The following ZFHX3 variants were observed in gnomAD, a reference collection of about 807,000 sequenced individuals.
ZFHX3 encodes zinc finger homeobox 3.
ZFHX3 carries 42 observed loss-of-function variants against 279.1 expected under a neutral mutation model. That is an observed-to-expected ratio of 0.15 (90% CI 0.12 to 0.19). The LOEUF is 0.19. Ranked by LOEUF, ZFHX3 falls within the 10% of genes least tolerant of loss-of-function variation. The pLI is 1.00. For synonymous variants in ZFHX3, 2,293 were observed against 1,957.8 expected, an observed-to-expected ratio of 1.17 and a Z score of -4.52; for missense variants, 4,981 against 4,754.0, an observed-to-expected ratio of 1.05 and a Z score of -1.40.
At chr16:73,464,778 C>G (rs2018535549) in intron 2 of ZFHX3, among the ~76,000 whole-genome samples, 1 of 152,226 alleles carries the variant, frequency 6.6e-6, no homozygotes, top group Admixed American at 6.5e-5. Context: ...GGCTTGGGGT[C>G]CAACTTAGTC....
intron 1 of ZFHX3, among the ~76,000 whole-genome samples, chr16:72,983,153 C>A (rs1261711482): frequency 6.6e-6 from 1 of 152,178 alleles, no homozygotes; most frequent in Non-Finnish European, 1.5e-5. Context: ...TTGGAAGCCC[C>A]TGTTCCTACC....
intron 2 of ZFHX3, among the ~76,000 whole-genome samples, chr16:73,612,636 G>A (rs1276538418): frequency 2.0e-5 from 3 of 152,138 alleles, no homozygotes; most frequent in East Asian, 1.9e-4. Context: ...AAAACAAAAC[G>A]AGGTGTATTT....
intron 1 of ZFHX3, among the ~76,000 whole-genome samples, chr16:73,017,069 A>T (rs1964126059): frequency 6.6e-6 from 1 of 152,028 alleles, no homozygotes; most frequent in Non-Finnish European, 1.5e-5. Flanking sequence ...CTACAAAAAT[A>T]AAAATAAATC....
At chr16:73,337,890 G>GGT (rs1555510879) in intron 3 of ZFHX3, among the ~76,000 whole-genome samples, 6 of 92,006 alleles carry the variant, frequency 6.5e-5, no homozygotes, top group South Asian at 7.5e-4. Flanking sequence ...ATCTTCCCTT[G>GGT]GCGGGGGGGG....
intron 2 of ZFHX3, among the ~76,000 whole-genome samples, chr16:73,630,495 C>T (rs933205303): frequency 4.6e-5 from 7 of 152,184 alleles, no homozygotes; most frequent in Non-Finnish European, 8.8e-5. Context: ...TGCTCAGTAC[C>T]TTTCAGGGAA....
chr16:73,586,241 C>A (rs1051938413), intron 2 of ZFHX3, among the ~76,000 whole-genome samples: 1 of 150,726 alleles, frequency 6.6e-6, no homozygotes, highest in Admixed American at 6.6e-5. Context: ...ATAAAAAAAT[C>A]AGCTGGGTGT....
At chr16:73,784,806 T>A (rs1269770201) in intron 1 of ZFHX3, among the ~76,000 whole-genome samples, 12 of 121,734 alleles carry the variant, frequency 9.9e-5, no homozygotes, top group African/African-American at 5.0e-4. Flanking sequence ...AATATATATA[T>A]ATATATATAT....
chr16:73,334,092 G>A (rs761530897), intron 3 of ZFHX3, among the ~76,000 whole-genome samples: 2 of 152,206 alleles, frequency 1.3e-5, no homozygotes, highest in African/African-American at 4.8e-5. Context: ...TGTGCTGAAA[G>A]AGGAAGGAGA....
intron 8 of ZFHX3, among the ~76,000 whole-genome samples, chr16:73,091,986 A>G (rs1966089370): frequency 6.6e-6 from 1 of 152,240 alleles, no homozygotes; most frequent in African/African-American, 2.4e-5. Context: ...CTATTCAGAG[A>G]AAGTGCTTTT....
chr16:73,798,668 T>G (rs1352929881), intron 1 of ZFHX3, among the ~76,000 whole-genome samples: 1 of 152,192 alleles, frequency 6.6e-6, no homozygotes. Flanking sequence ...TCCTCAGCTC[T>G]GTTGTACATC....
At chr16:73,158,043 C>T (rs529518334) in intron 5 of ZFHX3, among the ~76,000 whole-genome samples, 2 of 152,226 alleles carry the variant, frequency 1.3e-5, no homozygotes, top group African/African-American at 2.4e-5. Context: ...GGGAGGGTCA[C>T]ATTTTTGGAG....
chr16:73,398,616 T>A (rs1204028008), intron 3 of ZFHX3, among the ~76,000 whole-genome samples: 1 of 152,192 alleles, frequency 6.6e-6, no homozygotes, highest in African/African-American at 2.4e-5. Flanking sequence ...TCTAAAAATT[T>A]TTGAGAGCCT....
chr16:72,913,812 G>A (rs904374292), intron 3 of ZFHX3, among the ~76,000 whole-genome samples: 4 of 152,310 alleles, frequency 2.6e-5, no homozygotes, highest in South Asian at 2.1e-4. Flanking sequence ...GAAAGTCAGA[G>A]TTTGTTGTCT....
intron 2 of ZFHX3, among the ~76,000 whole-genome samples, chr16:73,617,051 C>G (rs780204331): frequency 3.9e-5 from 6 of 152,130 alleles, no homozygotes; most frequent in Non-Finnish European, 8.8e-5. Flanking sequence ...AATCATAAAC[C>G]CTCCATCTTG....
intron 4 of ZFHX3, among the ~76,000 whole-genome samples, chr16:72,880,272 T>G (rs1003382950): frequency 6.6e-6 from 1 of 152,160 alleles, no homozygotes; most frequent in Non-Finnish European, 1.5e-5. Context: ...AAAGTCTGGG[T>G]AATAGACTGA....
intron 4 of ZFHX3, among the ~76,000 whole-genome samples, chr16:73,292,721 G>C (rs112297387): frequency 6.6e-6 from 1 of 152,154 alleles, no homozygotes; most frequent in African/African-American, 2.4e-5. Context: ...TGCATAAGAA[G>C]GGGATGGGGT....
At chr16:73,858,413 C>A (rs1567432309) in intron 1 of ZFHX3, among the ~76,000 whole-genome samples, 1 of 152,150 alleles carries the variant, frequency 6.6e-6, no homozygotes. Flanking sequence ...GATTTCCATC[C>A]GTAACAATGG....
intron 1 of ZFHX3, among the ~76,000 whole-genome samples, chr16:73,717,754 C>T (rs1177100673): frequency 6.6e-6 from 1 of 152,192 alleles, no homozygotes; most frequent in Non-Finnish European, 1.5e-5. Flanking sequence ...CTCTAGATCT[C>T]ATTCCCAGTT....
intron 2 of ZFHX3, among the ~76,000 whole-genome samples, chr16:73,526,372 G>A (rs2019695673): frequency 6.6e-6 from 1 of 152,214 alleles, no homozygotes; most frequent in Non-Finnish European, 1.5e-5. Flanking sequence ...ATGTTACAGA[G>A]AAAGGAGGGG....
Sources: allele counts gnomAD v4.1 joint callset (sites outside exome capture counted in the v4.1 genomes callset), GRCh38; gene constraint gnomAD v4.1.1; transcripts MANE v1.5; gene names NCBI Gene and HGNC (gene_info 2026-07-23, HGNC 2026-07-21).